Variants in KIF5C observed in about 807,000 individuals in gnomAD.
KIF5C encodes the protein kinesin heavy chain isoform 5C.
KIF5C carries 18 observed loss-of-function variants against 125.2 expected under a neutral mutation model. The observed-to-expected ratio is 0.14, with a 90% CI of 0.10 to 0.21. The LOEUF (loss-of-function observed/expected upper bound fraction) is 0.21, where lower values mean the gene tolerates loss of function less well. Among genes scored for constraint, KIF5C ranks in the 10% least tolerant of loss-of-function variants. KIF5C has a pLI of 1.00. For synonymous variants in KIF5C, 405 were observed against 434.0 expected, an observed-to-expected ratio of 0.93 and a Z score of 0.83; for missense variants, 780 against 1,183.8, an observed-to-expected ratio of 0.66 and a Z score of 5.01.
intron 25 of KIF5C, among the ~76,000 whole-genome samples, chr2:149,014,625 T>C (rs1338083355): frequency 2.0e-5 from 3 of 152,234 alleles, no homozygotes; most frequent in Non-Finnish European, 4.4e-5. Context: ...ATCTTTTATG[T>C]TGGTCATTGG....
intron 1 of KIF5C, among the ~76,000 whole-genome samples, chr2:148,877,660 A>T (rs1681229375): frequency 6.6e-6 from 1 of 152,154 alleles, no homozygotes; most frequent in Admixed American, 6.5e-5. Context: ...GTACTGGAAC[A>T]TGTTCTGGCA....
chr2:148,998,529 C>A lies in KIF5C; in HGVS notation c.2210+20C>A. The A allele has an allele frequency of 1.3e-6, 2 of 1,551,790 alleles. No homozygotes were observed. The highest frequency in any genetic ancestry group is 1.7e-6 in the Non-Finnish European group (2 of 1,147,224). ...TCGGGAGTGAGTCGGCCCAGGGCAC[C>A]AGGGGTGTGGGGGTGGTCATGCCTC... On this transcript the variant is annotated intron_variant, in intron 19 of 25. Transcript: ENST00000435030.
intron 13 of KIF5C, 140 bp downstream of exon 13, chr2:148,979,130 T>C: frequency 8.8e-7 from 1 of 1,133,724 alleles, no homozygotes; most frequent in Non-Finnish European, 1.2e-6. Flanking sequence ...AGATGTCCCT[T>C]CACTGCCTCT....
At chr2:148,937,964 T>C (rs1319495718) in intron 4 of KIF5C, among the ~76,000 whole-genome samples, 1 of 152,248 alleles carries the variant, frequency 6.6e-6, no homozygotes, top group African/African-American at 2.4e-5. Context: ...CTGAGAAATG[T>C]TGGGAAGAGG....
At chr2:149,010,090 C>T (rs954568028) in intron 23 of KIF5C, 45 bp from the exon 24 acceptor site, 63 of 1,510,204 alleles carry the variant, frequency 4.2e-5, no homozygotes, top group Non-Finnish European at 5.5e-5. Flanking sequence ...TTGTGCAATG[C>T]TGCCTGCCTG....
intron 22 of KIF5C, 84 bp from the exon 23 acceptor site, chr2:149,007,879 A>ATTTTTTT: frequency 8.6e-7 from 1 of 1,157,566 alleles, no homozygotes; most frequent in African/African-American, 1.7e-5. Flanking sequence ...GGGAATGGGG[A>ATTTTTTT]TTTTTTTTTT....
At chr2:149,017,402 G>A (rs1477735044) in intron 25 of KIF5C, among the ~76,000 whole-genome samples, 1 of 152,200 alleles carries the variant, frequency 6.6e-6, no homozygotes, top group Non-Finnish European at 1.5e-5. Flanking sequence ...CTTGAGACCA[G>A]AGACGGTGTA....
chr2:148,876,148 A>AT lies in KIF5C; in HGVS notation c.126+406dup, dbSNP rs1681182991. On this transcript the variant is annotated intron_variant, in intron 1 of 25. Transcript: ENST00000435030. The surrounding 1 kb of genome is among the most constrained non-coding windows in gnomAD (Gnocchi z 4.7). Reference sequence around the variant, plus strand: ...CTGCAACCCGCAAATGCTTCTGGGCATCAATCAATTCGATTTACCAAACGC... The same window carrying AT: ...CTGCAACCCGCAAATGCTTCTGGGCATTCAATCAATTCGATTTACCAAACGC... Among the ~76,000 whole-genome samples the AT allele has an allele frequency of 6.6e-6, 1 of 152,210 alleles. No individual in the cohort carries two copies. Among genetic ancestry groups the AT allele is most frequent in the African/African-American group, 2.4e-5 (1 of 41,468 alleles).
At chr2:148,947,156 T>A in intron 8 of KIF5C, 133 bp downstream of exon 8, 1 of 1,338,888 alleles carries the variant, frequency 7.5e-7, no homozygotes, top group East Asian at 2.5e-5. Context: ...TCTGCCAAGG[T>A]GTTATTACAT....
intron 1 of KIF5C, among the ~76,000 whole-genome samples, chr2:148,880,255 G>A (rs1424547778): frequency 2.0e-5 from 3 of 152,042 alleles, no homozygotes; most frequent in African/African-American, 7.2e-5. Context: ...CAGGTAGCTG[G>A]GACTACAGGC....
intron 11 of KIF5C, among the ~76,000 whole-genome samples, chr2:148,967,930 A>G (rs1210966642): frequency 6.6e-6 from 1 of 152,142 alleles, no homozygotes; most frequent in Non-Finnish European, 1.5e-5. Flanking sequence ...CCTCCTCCCA[A>G]TCCATCAGGA....
intron 1 of KIF5C, chr2:148,878,330 A>G (rs1017182548): frequency 2.0e-5 from 3 of 152,200 alleles, no homozygotes; most frequent in African/African-American, 7.2e-5. Flanking sequence ...ACATAAAACC[A>G]TAGAGTATGT....
At chr2:148,892,850 T>TA (rs1681745850) in intron 1 of KIF5C, among the ~76,000 whole-genome samples, 2 of 152,272 alleles carry the variant, frequency 1.3e-5, no homozygotes, top group Non-Finnish European at 2.9e-5. Context: ...GCCACACTGC[T>TA]AAACTGTCTT....
At chr2:148,985,598 T>A (rs544130331) in intron 15 of KIF5C, among the ~76,000 whole-genome samples, 2 of 152,342 alleles carry the variant, frequency 1.3e-5, no homozygotes, top group South Asian at 2.1e-4. Flanking sequence ...AGCTGGGGAA[T>A]GGTATTACAT....
At chr2:148,945,741 T>C (rs1010021501) in intron 7 of KIF5C, among the ~76,000 whole-genome samples, 1 of 152,300 alleles carries the variant, frequency 6.6e-6, no homozygotes, top group South Asian at 2.1e-4. Context: ...AAGTCCATTA[T>C]ATTGTTGAAG....
chr2:148,902,815 C>A (rs1216202160), intron 1 of KIF5C, among the ~76,000 whole-genome samples: 1 of 152,202 alleles, frequency 6.6e-6, no homozygotes, highest in Non-Finnish European at 1.5e-5. Context: ...CTGCAACACA[C>A]ACAAGATGTA....
At chr2:148,984,653 T>C (rs1201631780) in intron 15 of KIF5C, among the ~76,000 whole-genome samples, 4 of 152,140 alleles carry the variant, frequency 2.6e-5, no homozygotes, top group African/African-American at 9.7e-5. Context: ...TTACACTTCA[T>C]TGGCCAGAAC....
chr2:148,903,827 A>G (rs868029512), intron 1 of KIF5C, among the ~76,000 whole-genome samples: 12 of 152,314 alleles, frequency 7.9e-5, no homozygotes, highest in African/African-American at 2.6e-4. Context: ...TGCCTTGAGC[A>G]CTTAACTAGA....
rs1039183498 is a variant in KIF5C, at chr2:149,024,157, T to C, written c.*1087T>C. 2 of 152,662 alleles carry C rather than the reference T, an allele frequency of 1.3e-5. No individual in the cohort carries two copies. Among genetic ancestry groups the C allele is most frequent in the Admixed American group, 1.3e-4 (2 of 15,282 alleles). 9.5% of individuals were successfully genotyped at this position (152,662 alleles called of 1,614,324 possible). ...TGGCACCAAATAGGTTTCATCTTCTTAGGCACAATTAGAAAAAATCCACAT... is the reference window on the plus strand; with the variant it reads ...TGGCACCAAATAGGTTTCATCTTCTCAGGCACAATTAGAAAAAATCCACAT... On this transcript the variant is annotated 3_prime_UTR_variant, in exon 26 of 26. Coordinates refer to ENST00000435030, the MANE Select transcript of KIF5C (RefSeq NM_004522.3).
Sources: allele counts gnomAD v4.1 joint callset (sites outside exome capture counted in the v4.1 genomes callset), GRCh38; gene constraint gnomAD v4.1.1; non-coding constraint Gnocchi (gnomAD v3.1); transcripts MANE v1.5; gene names NCBI Gene and HGNC (gene_info 2026-07-23, HGNC 2026-07-21).